Variants in TSPAN18 observed in about 807,000 individuals in gnomAD.
TSPAN18 encodes tetraspanin-18.
In TSPAN18, 14 loss-of-function variants were observed where a neutral mutation model predicts 27.3. The observed-to-expected ratio is 0.51, with a 90% confidence interval of 0.34 to 0.80. The LOEUF (loss-of-function observed/expected upper bound fraction) is 0.80. TSPAN18 is among the 30% of genes least tolerant of loss of function. TSPAN18 has a pLI of 0.01. For synonymous variants in TSPAN18, 143 were observed against 136.5 expected, an observed-to-expected ratio of 1.05 and a Z score of -0.33; for missense variants, 268 against 323.9, an observed-to-expected ratio of 0.83 and a Z score of 1.32.
At chr11:44,888,221 C>T (rs2135275524) in intron 3 of TSPAN18, among the ~76,000 whole-genome samples, 1 of 152,318 alleles carries the variant, frequency 6.6e-6, no homozygotes, top group South Asian at 2.1e-4. Context: ...GGGACTTTAG[C>T]AGCCATGTGC....
At chr11:44,791,560 C>T (rs1259345307) in intron 2 of TSPAN18, among the ~76,000 whole-genome samples, 1 of 152,214 alleles carries the variant, frequency 6.6e-6, no homozygotes, top group Non-Finnish European at 1.5e-5. Context: ...GCCTCCTTCT[C>T]CTGGGCACTG....
At chr11:44,869,013 G>A (rs185466147) in intron 3 of TSPAN18, among the ~76,000 whole-genome samples, 13 of 152,388 alleles carry the variant, frequency 8.5e-5, no homozygotes, top group African/African-American at 2.9e-4. Flanking sequence ...TGGAGGAGCT[G>A]TGGTTCTGGC....
At chr11:44,894,883 G>A (rs530855949) in intron 3 of TSPAN18, among the ~76,000 whole-genome samples, 4 of 152,338 alleles carry the variant, frequency 2.6e-5, no homozygotes, top group African/African-American at 9.6e-5. Flanking sequence ...CACACCCCAC[G>A]GATAGGTGTC....
At chr11:44,859,024 A>G (rs2135207692) in intron 2 of TSPAN18, among the ~76,000 whole-genome samples, 1 of 152,274 alleles carries the variant, frequency 6.6e-6, no homozygotes, top group Admixed American at 6.5e-5. Flanking sequence ...ACCAGCTTGC[A>G]GAGCGCTAAT....
chr11:44,860,579 A>G (rs1267123291), intron 3 of TSPAN18, 110 bp downstream of exon 3: 1 of 152,238 alleles, frequency 6.6e-6, no homozygotes, highest in Non-Finnish European at 1.5e-5. Flanking sequence ...TCTTTCATGC[A>G]TCAGTGTCTG....
At chr11:44,919,663 T>C (rs753586373) in intron 7 of TSPAN18, 154 bp from the exon 8 acceptor site, 3 of 754,100 alleles carry the variant, frequency 4.0e-6, no homozygotes, top group Non-Finnish European at 6.8e-6. Context: ...AGAAGCTGAG[T>C]GGCTTTCCCA....
chr11:44,921,828 C>T (rs924063657), intron 8 of TSPAN18, among the ~76,000 whole-genome samples: 6 of 152,182 alleles, frequency 3.9e-5, no homozygotes, highest in South Asian at 2.1e-4. Context: ...CCGCATTCCC[C>T]GCATCAGATG....
chr11:44,752,374 C>T (rs558181888), intron 1 of TSPAN18, among the ~76,000 whole-genome samples: 68 of 152,256 alleles, frequency 4.5e-4, no homozygotes, highest in African/African-American at 1.5e-3. Context: ...CTCAGCAGAA[C>T]AACTTTCTTT....
chr11:44,891,768 G>A (rs1858858305), intron 3 of TSPAN18, among the ~76,000 whole-genome samples: 2 of 152,324 alleles, frequency 1.3e-5, no homozygotes, highest in African/African-American at 4.8e-5. Flanking sequence ...GAACTTCAGA[G>A]GCTGCTGCTG....
intron 3 of TSPAN18, among the ~76,000 whole-genome samples, chr11:44,876,064 G>A (rs1366681550): frequency 6.6e-6 from 1 of 152,094 alleles, no homozygotes; most frequent in Non-Finnish European, 1.5e-5. Flanking sequence ...GGGGCTGGGG[G>A]TACCACTCAG....
intron 5 of TSPAN18, among the ~76,000 whole-genome samples, chr11:44,916,732 G>A (rs1405041161): frequency 6.6e-6 from 1 of 152,052 alleles, no homozygotes; most frequent in Non-Finnish European, 1.5e-5. Flanking sequence ...CACATCGGGG[G>A]CAGGCAGGCA....
intron 2 of TSPAN18, among the ~76,000 whole-genome samples, chr11:44,848,484 AAGC>A (rs1478203776): frequency 6.6e-6 from 1 of 152,156 alleles, no homozygotes; most frequent in East Asian, 1.9e-4. Flanking sequence ...CAGGCTTGGC[AAGC>A]AGCAGGGGCT....
At chr11:44,906,911 C>T (rs1363583917) in intron 4 of TSPAN18, among the ~76,000 whole-genome samples, 1 of 152,214 alleles carries the variant, frequency 6.6e-6, no homozygotes, top group South Asian at 2.1e-4. Context: ...TAATCAGAAA[C>T]CTCTCTGGGA....
chr11:44,763,987 G>A (rs1031592922), intron 1 of TSPAN18, among the ~76,000 whole-genome samples: 1 of 152,124 alleles, frequency 6.6e-6, no homozygotes, highest in African/African-American at 2.4e-5. Flanking sequence ...GAGGCCTCAG[G>A]AAACTTACAA....
At chr11:44,785,688 C>T (rs1256723061) in intron 2 of TSPAN18, among the ~76,000 whole-genome samples, 1 of 152,188 alleles carries the variant, frequency 6.6e-6, no homozygotes, top group African/African-American at 2.4e-5. Context: ...CCCCCTGCCC[C>T]TTTCCTTTTC....
chr11:44,870,411 C>T (rs1272875736), intron 3 of TSPAN18, among the ~76,000 whole-genome samples: 2 of 152,174 alleles, frequency 1.3e-5, no homozygotes, highest in Admixed American at 6.5e-5. Flanking sequence ...CAGCTAAGGC[C>T]AAGGCAGAAG....
chr11:44,831,166 G>A lies in TSPAN18; in HGVS notation c.-152-29162G>A, dbSNP rs746899637. On this transcript the variant is annotated intron_variant, in intron 2 of 9. Transcript: ENST00000520358. Reference sequence around the variant, plus strand: ...AACAAAACAAAATGCCACTATGCCAGTACTGTGTTATGCCAATGGAGGTAA... The same window carrying A: ...AACAAAACAAAATGCCACTATGCCAATACTGTGTTATGCCAATGGAGGTAA... Among the ~76,000 whole-genome samples, 96 of 152,154 alleles carry A rather than the reference G, an allele frequency of 6.3e-4. 2 individuals are homozygous for A. Among genetic ancestry groups the A allele is most frequent in the Non-Finnish European group, 2.2e-4 (15 of 68,042 alleles).
chr11:44,733,399 C>T (rs1416271058), intron 1 of TSPAN18, among the ~76,000 whole-genome samples: 1 of 152,118 alleles, frequency 6.6e-6, no homozygotes, highest in African/African-American at 2.4e-5. Context: ...CTATAACATA[C>T]CAGAGGGAGG....
intron 3 of TSPAN18, among the ~76,000 whole-genome samples, chr11:44,871,408 C>T (rs1858191914): frequency 6.6e-6 from 1 of 152,122 alleles, no homozygotes; most frequent in Non-Finnish European, 1.5e-5. Flanking sequence ...TTACCTCACA[C>T]CTCCAAATAC....
Sources: gnomAD v4.1 joint callset for allele counts (sites outside exome capture counted in the v4.1 genomes callset) on GRCh38, gnomAD v4.1.1 for gene constraint, MANE v1.5 for transcripts, NCBI Gene and HGNC (gene_info 2026-07-23, HGNC 2026-07-21) for gene names.